Variants in TBL1XR1 observed in about 807,000 individuals in gnomAD.
TBL1XR1 encodes TBL1X/Y related 1.
Under a neutral mutation model 66.9 loss-of-function variants are expected in TBL1XR1, and 5 were observed. The observed-to-expected ratio is 0.07, with a 90% CI of 0.04 to 0.16. The LOEUF (loss-of-function observed/expected upper bound fraction) is 0.16, where lower values mean the gene tolerates loss of function less well. TBL1XR1 is among the 10% of genes least tolerant of loss of function. The pLI, the probability that TBL1XR1 is intolerant of heterozygous loss-of-function variation, is 1.00. For missense variants in TBL1XR1, 238 were observed against 623.2 expected (o/e 0.38, Z 6.58); for synonymous variants, 210 against 206.0 (o/e 1.02, Z -0.17).
In TBL1XR1 at chr3:177,022,289, C is replaced by T. The variant is rs1712483741; in HGVS notation, c.*3209G>A. The T allele has an allele frequency of 6.6e-6, 1 of 152,398 alleles. No homozygotes were observed. The highest frequency in any genetic ancestry group is 2.4e-5 in the African/African-American group (1 of 41,418). The allele number at this position is 152,398 out of a possible 1,614,324, so 9.4% of individuals were successfully genotyped here. A position where few individuals can be genotyped will look rare whatever the true frequency, so the allele number is the denominator to read the frequency against. On this transcript the variant is annotated 3_prime_UTR_variant, in exon 16 of 16. Transcript: ENST00000457928. ...CCACAAAAGGAGGCACTTTCAGTAT[C>T]TGTAAAAGGTATTTAATCCTAAAAC... is the stretch of plus-strand genomic sequence containing the variant.
chr3:177,144,304 A>G (rs2108830076), intron 1 of TBL1XR1, among the ~76,000 whole-genome samples: 1 of 152,266 alleles, frequency 6.6e-6, no homozygotes, highest in African/African-American at 2.4e-5. Flanking sequence ...TGGCACTGAC[A>G]AAGAAAGAGG....
chr3:177,092,175 C>T (rs1722918755), intron 2 of TBL1XR1, among the ~76,000 whole-genome samples: 1 of 152,096 alleles, frequency 6.6e-6, no homozygotes, highest in African/African-American at 2.4e-5. Flanking sequence ...CGTGTTAGTG[C>T]TCAAAAAATT....
chr3:177,116,800 C>G (rs776349277), intron 1 of TBL1XR1, among the ~76,000 whole-genome samples: 1 of 152,084 alleles, frequency 6.6e-6, no homozygotes, highest in African/African-American at 2.4e-5. Flanking sequence ...TTATCAAGCA[C>G]GTAATAGTAC....
At chr3:177,037,983 T>C in intron 12 of TBL1XR1, 115 bp downstream of exon 12, 1 of 795,978 alleles carries the variant, frequency 1.3e-6, no homozygotes, top group Non-Finnish European at 2.0e-6. Context: ...TGTTGGAGTT[T>C]TCATGCAGGT....
At chr3:177,056,195 C>T (rs938720467) in intron 3 of TBL1XR1, among the ~76,000 whole-genome samples, 1 of 152,150 alleles carries the variant, frequency 6.6e-6, no homozygotes, top group Non-Finnish European at 1.5e-5. Context: ...TTATGTAATG[C>T]TTATAAATTT....
Position 177,104,036 on chromosome 3 carries a change from A to G in TBL1XR1, c.-121-5495T>C, listed in dbSNP as rs556954399. ...GAGGCTGAGGCAGGAGAATCACTTG[A>G]ACCCAGGAGGCAGAGGTTGCAGTGA... On this transcript the variant is annotated intron_variant, in intron 1 of 15. Transcript: ENST00000457928. Among the ~76,000 whole-genome samples the G allele has an allele frequency of 9.2e-5, 14 of 151,830 alleles. No homozygotes were observed. In the South Asian group the frequency reaches 2.7e-3, roughly 29 times the overall value.
intron 1 of TBL1XR1, among the ~76,000 whole-genome samples, chr3:177,148,666 G>C (rs1730523912): frequency 6.8e-6 from 1 of 147,996 alleles, no homozygotes; most frequent in African/African-American, 2.5e-5. Flanking sequence ...AGTGAGCCGA[G>C]ATCACACTCC....
At chr3:177,135,338 C>CATATATATAT (rs1177634107) in intron 1 of TBL1XR1, among the ~76,000 whole-genome samples, 35 of 22,424 alleles carry the variant, frequency 1.6e-3, no homozygotes, top group Admixed American at 2.9e-3. Flanking sequence ...TGTGTGTATA[C>CATATATATAT]ATATATATAT....
chr3:177,185,008 T>C (rs1006022597), intron 1 of TBL1XR1, among the ~76,000 whole-genome samples: 1 of 152,216 alleles, frequency 6.6e-6, no homozygotes, highest in African/African-American at 2.4e-5. Flanking sequence ...CCCCCTTCTT[T>C]TGACCATCCT....
chr3:177,136,219 G>T (rs1012543921), intron 1 of TBL1XR1: 1 of 152,158 alleles, frequency 6.6e-6, no homozygotes, highest in African/African-American at 2.4e-5. Context: ...ATAGGTACCT[G>T]TGAATCACAG....
intron 1 of TBL1XR1, among the ~76,000 whole-genome samples, chr3:177,167,827 C>T (rs867896886): frequency 1.1e-4 from 17 of 151,978 alleles, no homozygotes; most frequent in Non-Finnish European, 1.5e-4. Context: ...GCTAGCTACT[C>T]GGGAGGCTGA....
intron 1 of TBL1XR1, among the ~76,000 whole-genome samples, chr3:177,186,144 G>C (rs1053588100): frequency 2.6e-5 from 4 of 152,128 alleles, no homozygotes; most frequent in Admixed American, 2.6e-4. Context: ...GATACACCTG[G>C]GGTTTTTTTG....
intron 15 of TBL1XR1, 183 bp downstream of exon 15, chr3:177,026,190 A>T: frequency 1.7e-6 from 1 of 581,184 alleles, no homozygotes; most frequent in Non-Finnish European, 3.0e-6. Flanking sequence ...GGACAGCCTA[A>T]ATTTTGTTTA....
At chr3:177,132,841 C>T (rs1366473835) in intron 1 of TBL1XR1, among the ~76,000 whole-genome samples, 3 of 152,176 alleles carry the variant, frequency 2.0e-5, no homozygotes, top group Non-Finnish European at 4.4e-5. Flanking sequence ...CACAGAGAGC[C>T]TTATGAATTC....
At chr3:177,025,715 A>C (rs937889918) in intron 15 of TBL1XR1, among the ~76,000 whole-genome samples, 191 bp from the exon 16 acceptor site, 23 of 152,302 alleles carry the variant, frequency 1.5e-4, no homozygotes, top group African/African-American at 5.3e-4. Flanking sequence ...TCAAGAGAAC[A>C]ACCATGAGCT....
intron 1 of TBL1XR1, among the ~76,000 whole-genome samples, chr3:177,178,331 G>GATTTTAA (rs1734399393): frequency 6.6e-6 from 1 of 152,044 alleles, no homozygotes; most frequent in Non-Finnish European, 1.5e-5. Context: ...TATAGTACCA[G>GATTTTAA]ATTTTAAAAA....
At chr3:177,174,060 GAT>G (rs1733871039) in intron 1 of TBL1XR1, among the ~76,000 whole-genome samples, 1 of 152,050 alleles carries the variant, frequency 6.6e-6, no homozygotes, top group South Asian at 2.1e-4. Context: ...TATACCAATC[GAT>G]TTTTCACGTG....
chr3:177,049,860 G>A (rs747822720), intron 7 of TBL1XR1, 137 bp downstream of exon 7: 6 of 924,816 alleles, frequency 6.5e-6, no homozygotes, highest in African/African-American at 1.7e-5. Flanking sequence ...GGCTGGCAGG[G>A]GACGACTCCC....
chr3:177,086,103 A>G (rs1480023031), intron 2 of TBL1XR1, among the ~76,000 whole-genome samples: 1 of 151,440 alleles, frequency 6.6e-6, no homozygotes, highest in Non-Finnish European at 1.5e-5. Context: ...CTCCCCAGAT[A>G]TTAGCACTAG....
Sources: allele counts gnomAD v4.1 joint callset (sites outside exome capture counted in the v4.1 genomes callset), GRCh38; gene constraint gnomAD v4.1.1; transcripts MANE v1.5; gene names NCBI Gene and HGNC (gene_info 2026-07-23, HGNC 2026-07-21).